NIPBL: variants seen among roughly 807,000 people sequenced by gnomAD.
NIPBL encodes the protein NIPBL cohesin loading factor, also known as nipped-B-like protein.
NIPBL carries 19 observed loss-of-function variants against 321.8 expected under a neutral mutation model. That is an observed-to-expected ratio of 0.06 (90% CI 0.04 to 0.09). The LOEUF (loss-of-function observed/expected upper bound fraction) is 0.09. Among genes scored for constraint, NIPBL ranks in the 10% least tolerant of loss-of-function variants. The probability of loss-of-function intolerance (pLI) is 1.00; values close to 1 mark genes in which losing one functional copy is unlikely to be tolerated. For synonymous variants in NIPBL, 1,106 were observed against 1,114.1 expected (o/e 0.99, Z 0.14); for missense variants, 2,210 against 3,327.0 (o/e 0.66, Z 8.26).
At chr5:36,926,378 A>G (rs1305851473) in intron 1 of NIPBL, among the ~76,000 whole-genome samples, 1 of 152,154 alleles carries the variant, frequency 6.6e-6, no homozygotes, top group Non-Finnish European at 1.5e-5. Flanking sequence ...CAGCTGGTAG[A>G]TGGGCTGGCC....
chr5:36,932,495 C>T (rs1292856505), intron 1 of NIPBL, among the ~76,000 whole-genome samples: 1 of 152,002 alleles, frequency 6.6e-6, no homozygotes, highest in Non-Finnish European at 1.5e-5. Flanking sequence ...TGTTAATAGC[C>T]ATTCCAGCTT....
chr5:37,037,503 T>C (rs745507119), intron 33 of NIPBL, among the ~76,000 whole-genome samples: 1 of 150,154 alleles, frequency 6.7e-6, no homozygotes. Context: ...TCCCATCTAA[T>C]GCACATTAAT....
At chr5:36,982,359 A>G (rs1744242129) in intron 9 of NIPBL, 2 of 199,944 alleles carry the variant, frequency 1.0e-5, no homozygotes, top group Non-Finnish European at 1.8e-5. Flanking sequence ...GAGCTGCTTT[A>G]TAAGGAGTAA....
At chr5:36,908,427 A>ATAG (rs200224099) in intron 1 of NIPBL, among the ~76,000 whole-genome samples, 25,594 of 152,056 alleles carry the variant, frequency 0.17, 2,487 homozygotes, top group African/African-American at 0.25. Context: ...GAATTTTCCT[A>ATAG]AATTAGAAAC....
chr5:36,880,946 A>G (rs1745456631), intron 1 of NIPBL, among the ~76,000 whole-genome samples: 1 of 152,062 alleles, frequency 6.6e-6, no homozygotes, highest in Admixed American at 6.5e-5. Flanking sequence ...GGATTCCCTG[A>G]CACTAGTATT....
rs190622491 is a variant in NIPBL at position 36,885,560 on chromosome 5, G to A, written c.-80+8382G>A. 539 of 529,838 alleles carry A rather than the reference G, an allele frequency of 1.0e-3. 4 individuals carry two copies. Among genetic ancestry groups the A allele is most frequent in the Non-Finnish European group, 1.1e-3 (288 of 266,714 alleles). The allele number at this position is 529,838 out of a possible 1,614,324, so 32.8% of individuals were successfully genotyped here. A position where few individuals can be genotyped will look rare whatever the true frequency, so the allele number is the denominator to read the frequency against. On this transcript the variant is annotated intron_variant, in intron 1 of 46. Transcript: ENST00000282516. The stretch of plus-strand genomic sequence containing the variant: ...CACCCGGGAGCACCTGGAGAAGAAG[G>A]GACCCCAGGTCAGAGACTGGGGCCA...
intron 1 of NIPBL, chr5:36,885,326 G>T: frequency 2.1e-6 from 1 of 486,796 alleles, no homozygotes; most frequent in Non-Finnish European, 4.1e-6. Flanking sequence ...AGGCGCCAGG[G>T]GCTCTGGTTC....
At chr5:36,892,753 A>G (rs1746438380) in intron 1 of NIPBL, among the ~76,000 whole-genome samples, 1 of 151,648 alleles carries the variant, frequency 6.6e-6, no homozygotes, top group Non-Finnish European at 1.5e-5. Context: ...ACCCTTGGAC[A>G]CAGGAGGGGG....
At chr5:36,934,575 T>A (rs1000177955) in intron 1 of NIPBL, among the ~76,000 whole-genome samples, 1 of 152,106 alleles carries the variant, frequency 6.6e-6, no homozygotes, top group Non-Finnish European at 1.5e-5. Context: ...TACTAATGAA[T>A]GGGAGCAATG....
intron 1 of NIPBL, among the ~76,000 whole-genome samples, chr5:36,892,359 C>A (rs1366281153): frequency 6.6e-6 from 1 of 152,152 alleles, no homozygotes. Flanking sequence ...ACTAGTTCAA[C>A]CATTGTGGAA....
At chr5:37,045,381 ATTAC>A in intron 36 of NIPBL, 58 bp from the exon 37 acceptor site, 1 of 1,308,132 alleles carries the variant, frequency 7.6e-7, no homozygotes, top group Non-Finnish European at 1.1e-6. Context: ...ATTAGTAGTA[ATTAC>A]TTGAACTTAG....
At chr5:36,938,594 A>G (rs890575122) in intron 1 of NIPBL, among the ~76,000 whole-genome samples, 4 of 152,218 alleles carry the variant, frequency 2.6e-5, no homozygotes, top group African/African-American at 9.6e-5. Context: ...TAAATCAGCT[A>G]GTTTGAACAT....
At chr5:36,905,039 C>T (rs1374787964) in intron 1 of NIPBL, among the ~76,000 whole-genome samples, 1 of 152,072 alleles carries the variant, frequency 6.6e-6, no homozygotes, top group Admixed American at 6.5e-5. Context: ...TCCAGTGATG[C>T]AAAAGTGAAA....
chr5:36,972,452 C>A (rs1413247566), intron 8 of NIPBL, among the ~76,000 whole-genome samples: 1 of 152,056 alleles, frequency 6.6e-6, no homozygotes, highest in East Asian at 1.9e-4. Context: ...ATTAGCTCCT[C>A]TCCTTATTCT....
intron 1 of NIPBL, among the ~76,000 whole-genome samples, chr5:36,878,602 A>AT (rs1745272760): frequency 6.6e-6 from 1 of 152,132 alleles, no homozygotes; most frequent in Non-Finnish European, 1.5e-5. Context: ...ATTGGTTCAT[A>AT]TTTTTTGTGT....
intron 14 of NIPBL, among the ~76,000 whole-genome samples, chr5:37,002,366 A>G (rs1746914931): frequency 6.6e-6 from 1 of 152,186 alleles, no homozygotes. Context: ...GAGACTCTTG[A>G]TGTAGTCCAT....
At chr5:36,982,437 C>T (rs938806539) in intron 9 of NIPBL, among the ~76,000 whole-genome samples, 1 of 151,634 alleles carries the variant, frequency 6.6e-6, no homozygotes, top group South Asian at 2.1e-4. Flanking sequence ...CCTAAGAATC[C>T]TTGTCACAGT....
At chr5:36,916,004 C>A (rs1748429256) in intron 1 of NIPBL, among the ~76,000 whole-genome samples, 1 of 152,156 alleles carries the variant, frequency 6.6e-6, no homozygotes, top group African/African-American at 2.4e-5. Flanking sequence ...TCATTATCTT[C>A]AGTGGAAAAA....
At chr5:36,969,347 A>G (rs1742596316) in intron 6 of NIPBL, among the ~76,000 whole-genome samples, 1 of 152,206 alleles carries the variant, frequency 6.6e-6, no homozygotes, top group Admixed American at 6.5e-5. Context: ...AATAATAAGG[A>G]ATGAAGTGTA....
Sources: allele counts gnomAD v4.1 joint callset (sites outside exome capture counted in the v4.1 genomes callset), GRCh38; gene constraint gnomAD v4.1.1; transcripts MANE v1.5; gene names NCBI Gene and HGNC (gene_info 2026-07-23, HGNC 2026-07-21).